MACROD2: variants seen among roughly 807,000 people sequenced by gnomAD.
MACROD2 encodes mono-ADP ribosylhydrolase 2.
MACROD2 carries 36 observed loss-of-function variants against 70.4 expected under a neutral mutation model. The observed-to-expected ratio is 0.51, with a 90% CI of 0.39 to 0.68. MACROD2 has a LOEUF of 0.68. Ranked by LOEUF, MACROD2 falls within the 30% of genes least tolerant of loss-of-function variation. MACROD2 has a pLI of 0.00. For missense variants in MACROD2, 496 were observed against 538.4 expected, an observed-to-expected ratio of 0.92 and a Z score of 0.78; for synonymous variants, 172 against 178.8, an observed-to-expected ratio of 0.96 and a Z score of 0.30.
chr20:15,474,536 C>T (rs2046997486), intron 7 of MACROD2, among the ~76,000 whole-genome samples: 1 of 152,188 alleles, frequency 6.6e-6, no homozygotes, highest in African/African-American at 2.4e-5. Context: ...GCCTAATGTA[C>T]TCCCATCAAT....
intron 8 of MACROD2, among the ~76,000 whole-genome samples, chr20:15,502,015 A>T (rs138474803): frequency 1.3e-5 from 2 of 152,294 alleles, no homozygotes; most frequent in African/African-American, 4.8e-5. Flanking sequence ...TAAGCAACAG[A>T]TACTTTTTTA....
intron 5 of MACROD2, among the ~76,000 whole-genome samples, chr20:14,853,803 A>G (rs1180503704): frequency 3.3e-5 from 5 of 151,780 alleles, no homozygotes; most frequent in Admixed American, 2.0e-4. Context: ...AATATACACA[A>G]ACTTTTTTGT....
intron 6 of MACROD2, among the ~76,000 whole-genome samples, chr20:15,269,339 T>A (rs193277091): frequency 3.2e-4 from 48 of 152,366 alleles, no homozygotes; most frequent in Non-Finnish European, 6.0e-4. Flanking sequence ...CCTTAGTACT[T>A]GACCTTGTAT....
chr20:15,732,008 G>A (rs1480736474), intron 8 of MACROD2, among the ~76,000 whole-genome samples: 4 of 136,856 alleles, frequency 2.9e-5, no homozygotes, highest in East Asian at 4.1e-4. Context: ...CACCCACCTC[G>A]GCCTCCCAGA....
At chr20:15,357,823 T>TC (rs2078305940) in intron 6 of MACROD2, among the ~76,000 whole-genome samples, 1 of 132,496 alleles carries the variant, frequency 7.5e-6, no homozygotes, top group African/African-American at 3.0e-5. Flanking sequence ...TTTTTTTTTT[T>TC]CAAGACAGAG....
intron 8 of MACROD2, among the ~76,000 whole-genome samples, chr20:15,846,867 A>G (rs1336209966): frequency 6.6e-6 from 1 of 150,500 alleles, no homozygotes; most frequent in Non-Finnish European, 1.5e-5. Flanking sequence ...CCTTAAAAAC[A>G]AGGGCTTTTT....
At chr20:14,821,808 CCACTCTGG>C (rs1026254602) in intron 5 of MACROD2, among the ~76,000 whole-genome samples, 57 of 152,052 alleles carry the variant, frequency 3.7e-4, no homozygotes, top group African/African-American at 1.3e-3. Flanking sequence ...TGTCCAAGAC[CCACTCTGG>C]CACTTCCAAG....
chr20:15,348,219 C>T (rs1263028061), intron 6 of MACROD2, among the ~76,000 whole-genome samples: 1 of 152,220 alleles, frequency 6.6e-6, no homozygotes, highest in East Asian at 1.9e-4. Flanking sequence ...GGCATACTTA[C>T]ATCTCTGTGA....
At chr20:14,016,237 T>C (rs1226441787) in intron 2 of MACROD2, among the ~76,000 whole-genome samples, 1 of 152,218 alleles carries the variant, frequency 6.6e-6, no homozygotes, top group Non-Finnish European at 1.5e-5. Context: ...TGGAGAAGTA[T>C]CTATTCAAAT....
At chr20:14,252,979 C>T (rs1210661745) in intron 3 of MACROD2, among the ~76,000 whole-genome samples, 4 of 151,974 alleles carry the variant, frequency 2.6e-5, no homozygotes, top group Admixed American at 6.6e-5. Flanking sequence ...CATTAATTTT[C>T]CTCACACTGC....
intron 5 of MACROD2, among the ~76,000 whole-genome samples, chr20:14,724,083 A>G (rs1041648018): frequency 6.6e-6 from 1 of 152,138 alleles, no homozygotes; most frequent in Non-Finnish European, 1.5e-5. Flanking sequence ...AGGACTATGA[A>G]TGTTTTGTAA....
intron 6 of MACROD2, among the ~76,000 whole-genome samples, chr20:15,234,012 C>CTTTTTTTTTTTTTTTTTT (rs1177498607): frequency 2.1e-4 from 6 of 29,182 alleles, no homozygotes; most frequent in Non-Finnish European, 3.5e-4. Flanking sequence ...TATATATATT[C>CTTTTTTTTTTTTTTTTTT]TTTTTTTTTT....
chr20:14,582,007 C>T (rs535922963), intron 4 of MACROD2, among the ~76,000 whole-genome samples: 34 of 152,252 alleles, frequency 2.2e-4, no homozygotes, highest in African/African-American at 7.9e-4. Context: ...CAGTTGCTCA[C>T]GTTAGTCACC....
At chr20:14,677,376 C>G (rs1279195188) in intron 4 of MACROD2, among the ~76,000 whole-genome samples, 1 of 152,190 alleles carries the variant, frequency 6.6e-6, no homozygotes, top group Non-Finnish European at 1.5e-5. Context: ...CTATCCCGCT[C>G]TCAGACAGTG....
chr20:15,862,515 C>T (rs1029379212), intron 8 of MACROD2, among the ~76,000 whole-genome samples: 4 of 152,014 alleles, frequency 2.6e-5, no homozygotes, highest in African/African-American at 7.2e-5. Context: ...TAGCATCTTT[C>T]CACCAAAGAG....
chr20:14,195,748 G>A (rs2081425380), intron 3 of MACROD2, among the ~76,000 whole-genome samples: 1 of 152,162 alleles, frequency 6.6e-6, no homozygotes, highest in African/African-American at 2.4e-5. Context: ...GCAGTTGAGG[G>A]AGAGCCCCGG....
intron 8 of MACROD2, among the ~76,000 whole-genome samples, chr20:15,668,623 A>G (rs1018626789): frequency 8.6e-5 from 13 of 151,278 alleles, no homozygotes; most frequent in Non-Finnish European, 1.9e-4. Context: ...CATTCACATC[A>G]AGAGGTTCCC....
chr20:14,852,631 A>G (rs2073211369), intron 5 of MACROD2, among the ~76,000 whole-genome samples: 1 of 152,130 alleles, frequency 6.6e-6, no homozygotes, highest in Admixed American at 6.5e-5. Flanking sequence ...GGATGCCAGC[A>G]TGAGGCCACA....
chr20:14,471,258 G>A (rs1048803148), intron 3 of MACROD2, among the ~76,000 whole-genome samples: 2 of 152,074 alleles, frequency 1.3e-5, no homozygotes, highest in African/African-American at 4.8e-5. Context: ...TGCACCTACT[G>A]TCTAACCAGT....
Sources: gnomAD v4.1 joint callset for allele counts (sites outside exome capture counted in the v4.1 genomes callset) on GRCh38, gnomAD v4.1.1 for gene constraint, MANE v1.5 for transcripts, NCBI Gene and HGNC (gene_info 2026-07-23, HGNC 2026-07-21) for gene names.